The following PPFIBP2 variants were observed in gnomAD, a reference collection of about 807,000 sequenced individuals.
PPFIBP2 encodes PPFIB scaffold protein 2.
Under a neutral mutation model 118.3 loss-of-function variants are expected in PPFIBP2, and 118 were observed. The observed-to-expected ratio is 1.00, with a 90% CI of 0.86 to 1.16. The LOEUF (loss-of-function observed/expected upper bound fraction) is 1.16, where lower values mean the gene tolerates loss of function less well. Ranked by LOEUF, PPFIBP2 falls within the 50% of genes most tolerant of loss-of-function variation. PPFIBP2 has a pLI of 0.00. For synonymous variants in PPFIBP2, 414 were observed against 397.4 expected (o/e 1.04, Z -0.50); for missense variants, 1,195 against 1,073.1 (o/e 1.11, Z -1.59).
At chr11:7,550,773 C>T (rs1852882774) in intron 2 of PPFIBP2, among the ~76,000 whole-genome samples, 2 of 152,224 alleles carry the variant, frequency 1.3e-5, no homozygotes, top group South Asian at 2.1e-4. Context: ...GCAGACTCAC[C>T]CTTAATCTGG....
In PPFIBP2 at chr11:7,642,318, G is replaced by T; in HGVS notation, c.1538G>T (p.Gly513Val). 6.2e-7 allele frequency: 1 copy of T among 1,614,112 alleles called. No individual in the cohort carries two copies. The change falls in exon 17 of 24, where the codon GGA becomes GTA. Residue 513 changes from glycine to valine, a missense_variant. Gly to Val is a moderately radical substitution (Grantham distance 109). Coordinates refer to ENST00000299492, the MANE Select transcript of PPFIBP2 (RefSeq NM_003621.5). Reference protein sequence around the residue: ...FWGKIRRTQSGNFYTDTLGMA... With the variant: ...FWGKIRRTQSVNFYTDTLGMA... ...TGCAGAATCCGAAGAACTCAGTCAG[G>T]AAATTTCTACACTGACACGCTGGGG...
In PPFIBP2 at chr11:7,642,337, G is replaced by T. The variant is rs189054097; in HGVS notation, c.1557G>T (p.Thr519=). ...RTQSGNFYTD[T]LGMAEFRRGG... ...AGTCAGGAAATTTCTACACTGACAC[G>T]CTGGGGATGGCAGAGTTTCGACGAG... The change falls in exon 17 of 24, where the codon ACG becomes ACT. Residue 519 remains threonine (T), a synonymous_variant. Transcript: ENST00000299492. 6.2e-7 allele frequency: 1 copy of T among 1,614,110 alleles called. No homozygotes were observed.
chr11:7,616,728 C>A lies in PPFIBP2; in HGVS notation c.619-4207C>A, dbSNP rs181756916. On this transcript the variant is annotated intron_variant, in intron 6 of 23. Transcript: ENST00000299492. This position sits in a 1 kb window ranked among gnomAD's most constrained non-coding sequence, Gnocchi z 5.2. ...CGTTGGGTGTTTGGGTAAGGGGAGT[C>A]GGTGTGTGTATCATGCATATGTGGA... Among the ~76,000 whole-genome samples, 9 of 151,762 alleles carry A rather than the reference C, an allele frequency of 5.9e-5. No homozygotes were observed. Among genetic ancestry groups the A allele is most frequent in the Non-Finnish European group, 1.0e-4 (7 of 67,996 alleles).
intron 5 of PPFIBP2, among the ~76,000 whole-genome samples, chr11:7,609,002 G>T (rs914536181): frequency 6.6e-6 from 1 of 152,212 alleles, no homozygotes; most frequent in African/African-American, 2.4e-5. Flanking sequence ...CAGAGCTCGG[G>T]GAGCTCATTA....
At chr11:7,602,437 C>T (rs1322858443) in intron 5 of PPFIBP2, among the ~76,000 whole-genome samples, 1 of 152,128 alleles carries the variant, frequency 6.6e-6, no homozygotes, top group Non-Finnish European at 1.5e-5. Context: ...TCTAAAGTAG[C>T]CACTGTGAGC....
chr11:7,573,572 C>T (rs7120154), intron 3 of PPFIBP2, among the ~76,000 whole-genome samples: 14,597 of 152,190 alleles, frequency 0.096, 1,137 homozygotes, highest in African/African-American at 0.22. Flanking sequence ...TGCCATCTGG[C>T]GCTTTACAGG....
intron 14 of PPFIBP2, 69 bp downstream of exon 14, chr11:7,635,662 T>G: frequency 6.7e-7 from 1 of 1,483,210 alleles, no homozygotes; most frequent in Non-Finnish European, 9.4e-7. Context: ...ATTTAGCAAG[T>G]CATAGTTTTC....
chr11:7,641,800 G>C, intron 16 of PPFIBP2, 180 bp downstream of exon 16: 1 of 667,176 alleles, frequency 1.5e-6, no homozygotes, highest in Non-Finnish European at 2.5e-6. Context: ...AAGTATGAAA[G>C]ACACCCATTG....
At chr11:7,535,948 G>A (rs571896980) in intron 1 of PPFIBP2, among the ~76,000 whole-genome samples, 7 of 152,158 alleles carry the variant, frequency 4.6e-5, no homozygotes, top group Non-Finnish European at 8.8e-5. Context: ...CCCGGAGAGC[G>A]CTTCTCCCAA....
chr11:7,628,488 C>A, intron 9 of PPFIBP2, 142 bp downstream of exon 9: 1 of 810,520 alleles, frequency 1.2e-6, no homozygotes, highest in Non-Finnish European at 1.9e-6. Flanking sequence ...ATGACTTGTG[C>A]CTTCTAGAGA....
rs747001450 is a variant in PPFIBP2 at position 7,642,336 on chromosome 11, C to T, written c.1556C>T (p.Thr519Met). The T allele has an allele frequency of 3.4e-5, 55 of 1,614,024 alleles. No individual in the cohort carries two copies. Among genetic ancestry groups the T allele is most frequent in the Non-Finnish European group, 4.4e-5 (52 of 1,180,010 alleles). The change falls in exon 17 of 24, where the codon ACG (threonine) becomes ATG (methionine). Residue 519 changes from threonine to methionine, a missense_variant. Thr to Met is a moderately conservative substitution (Grantham distance 81, BLOSUM62 -1). Coordinates refer to ENST00000299492, the MANE Select transcript of PPFIBP2 (RefSeq NM_003621.5). ...CAGTCAGGAAATTTCTACACTGACA[C>T]GCTGGGGATGGCAGAGTTTCGACGA... ...RTQSGNFYTD[T>M]LGMAEFRRGG...
intron 3 of PPFIBP2, among the ~76,000 whole-genome samples, chr11:7,579,984 G>A (rs902131137): frequency 1.3e-5 from 2 of 150,556 alleles, no homozygotes; most frequent in African/African-American, 4.9e-5. Flanking sequence ...ATTCCCTTTC[G>A]TCCTGTGACC....
At chr11:7,634,633 C>T (rs994312926) in intron 13 of PPFIBP2, 81 bp downstream of exon 13, 14 of 1,042,168 alleles carry the variant, frequency 1.3e-5, no homozygotes, top group East Asian at 2.4e-5. Context: ...CAGGCAGGTC[C>T]TGGTCCCTAC....
At chr11:7,582,236 A>G (rs930528177) in intron 3 of PPFIBP2, among the ~76,000 whole-genome samples, 4 of 152,186 alleles carry the variant, frequency 2.6e-5, no homozygotes, top group African/African-American at 7.2e-5. Flanking sequence ...GTTACTCGGG[A>G]GCCAGGTACC....
At chr11:7,571,959 C>T (rs1855700034) in intron 3 of PPFIBP2, 1 of 152,230 alleles carries the variant, frequency 6.6e-6, no homozygotes, top group African/African-American at 2.4e-5. Context: ...ACAAAGATAA[C>T]ATAAGCACCT....
rs1044105571 is a variant in PPFIBP2 at position 7,621,116 on chromosome 11, A to C, written c.711+89A>C. 2.9e-6 allele frequency: 3 copies of C among 1,037,116 alleles called. No homozygotes were observed. The African/African-American group carries it at 4.8e-5, about 16-fold the overall frequency. 64.2% of individuals were successfully genotyped at this position (1,037,116 alleles called of 1,614,324 possible). On this transcript the variant is annotated intron_variant, in intron 7 of 23. Coordinates refer to ENST00000299492, the MANE Select transcript of PPFIBP2 (RefSeq NM_003621.5). ...CAACTTGGGGGTTTCCAGTAGCCTA[A>C]GTTTGAAAATGCAAATCAACCCTCC...
At chr11:7,600,508 G>A (rs1250184003) in intron 5 of PPFIBP2, among the ~76,000 whole-genome samples, 2 of 152,230 alleles carry the variant, frequency 1.3e-5, no homozygotes, top group African/African-American at 4.8e-5. Context: ...TTGGCTTCTG[G>A]TGGTAGGAGC....
chr11:7,622,981 A>T (rs1362286810), intron 7 of PPFIBP2, among the ~76,000 whole-genome samples: 1 of 152,230 alleles, frequency 6.6e-6, no homozygotes, highest in Non-Finnish European at 1.5e-5. Context: ...ATGTGCCAGA[A>T]TGTACCAAGC....
chr11:7,617,552 G>A (rs1368936674), intron 6 of PPFIBP2, among the ~76,000 whole-genome samples: 1 of 152,156 alleles, frequency 6.6e-6, no homozygotes, highest in African/African-American at 2.4e-5. Context: ...GGAATGAGGT[G>A]CACCAGGTGC....
Sources: gnomAD v4.1 joint callset for allele counts (sites outside exome capture counted in the v4.1 genomes callset) on GRCh38, gnomAD v4.1.1 for gene constraint, Gnocchi (gnomAD v3.1) non-coding constraint, MANE v1.5 for transcripts, NCBI Gene and HGNC (gene_info 2026-07-23, HGNC 2026-07-21) for gene names.